Variants in DYM observed in about 807,000 individuals in gnomAD.
The protein encoded by DYM is dymeclin.
A neutral mutation model predicts 93.1 loss-of-function variants in DYM; 78 were observed. The ratio of observed to expected loss-of-function variants is 0.84; its 90% CI spans 0.70 to 1.01. DYM has a LOEUF of 1.01. Ranked by LOEUF, DYM falls within the 50% of genes least tolerant of loss-of-function variation. The probability of loss-of-function intolerance (pLI) is 0.00; values close to 1 mark genes in which losing one functional copy is unlikely to be tolerated. For synonymous variants in DYM, 321 were observed against 319.7 expected, an observed-to-expected ratio of 1.00 and a Z score of -0.04; for missense variants, 789 against 845.0, an observed-to-expected ratio of 0.93 and a Z score of 0.82.
intron 15 of DYM, among the ~76,000 whole-genome samples, chr18:49,152,443 G>A (rs1016652805): frequency 6.6e-6 from 1 of 152,166 alleles, no homozygotes; most frequent in African/African-American, 2.4e-5. Flanking sequence ...TTATGTCAAA[G>A]TCAGGCCTGG....
At chr18:49,068,480 G>A (rs73439668) in intron 17 of DYM, among the ~76,000 whole-genome samples, 16,366 of 152,164 alleles carry the variant, frequency 0.11, 1,208 homozygotes, top group East Asian at 0.25. Flanking sequence ...CAATGGAGAA[G>A]GGGCACAGTT....
At chr18:49,370,293 A>C (rs76519075) in intron 5 of DYM, among the ~76,000 whole-genome samples, 3 of 146,224 alleles carry the variant, frequency 2.1e-5, no homozygotes, top group Non-Finnish European at 4.5e-5. Flanking sequence ...AAAAAAAAAA[A>C]AAAAAACAAA....
chr18:49,114,626 A>T, intron 16 of DYM: 1 of 963,662 alleles, frequency 1.0e-6, no homozygotes, highest in Non-Finnish European at 1.2e-6. Flanking sequence ...CTGATTAAAA[A>T]AAATTAATAT....
At chr18:49,430,152 TAG>T (rs1383413789) in intron 2 of DYM, 101 bp downstream of exon 2, 1 of 1,077,968 alleles carries the variant, frequency 9.3e-7, no homozygotes, top group African/African-American at 1.5e-5. Flanking sequence ...ACAGATAGAC[TAG>T]ATAGATAGAC....
chr18:49,299,985 G>C (rs1283222477), intron 8 of DYM, among the ~76,000 whole-genome samples: 1 of 149,454 alleles, frequency 6.7e-6, no homozygotes, highest in Non-Finnish European at 1.5e-5. Flanking sequence ...GGAGCTTGCA[G>C]TGAGCCGAGA....
At chr18:49,165,705 A>T (rs981702435) in intron 14 of DYM, among the ~76,000 whole-genome samples, 6 of 152,200 alleles carry the variant, frequency 3.9e-5, no homozygotes, top group African/African-American at 7.2e-5. Context: ...AAAAATAATT[A>T]CATGAAGTAA....
intron 17 of DYM, among the ~76,000 whole-genome samples, chr18:49,086,215 G>C (rs564096375): frequency 6.6e-6 from 1 of 152,334 alleles, no homozygotes; most frequent in East Asian, 1.9e-4. Context: ...TGGAGGCTTA[G>C]AAGTCCCAGG....
At chr18:49,214,490 G>C (rs2092937005) in intron 13 of DYM, among the ~76,000 whole-genome samples, 1 of 151,670 alleles carries the variant, frequency 6.6e-6, no homozygotes, top group Non-Finnish European at 1.5e-5. Flanking sequence ...CTGGTCCTTG[G>C]TGCAACAAAG....
At chr18:49,065,439 C>T (rs1223943021) in intron 17 of DYM, among the ~76,000 whole-genome samples, 2 of 152,078 alleles carry the variant, frequency 1.3e-5, no homozygotes, top group Non-Finnish European at 2.9e-5. Flanking sequence ...CTTGGCTCAC[C>T]GCAACCTCCG....
At chr18:49,299,081 C>T (rs2060739440) in intron 8 of DYM, among the ~76,000 whole-genome samples, 1 of 152,134 alleles carries the variant, frequency 6.6e-6, no homozygotes. Flanking sequence ...AAACTTCATT[C>T]CATATGTCCC....
In DYM at chr18:49,318,797, CTTTTTTTTT is replaced by C. The variant is rs932617888; in HGVS notation, c.763+13058_763+13066del. Among the ~76,000 whole-genome samples the C allele has an allele frequency of 4.2e-3, 486 of 114,376 alleles. 3 individuals are homozygous for C. Among genetic ancestry groups the C allele is most frequent in the African/African-American group, 0.016 (448 of 28,178 alleles). The allele number at this position is 114,376 out of a possible 152,430, so 75.0% of individuals were successfully genotyped here. ...TGAACAGGTAACATTATTTCTTTTT[CTTTTTTTTT>C]TTTTTTTTTTTTGAGACAGAGTCTC... On this transcript the variant is annotated intron_variant, in intron 8 of 17. Transcript: ENST00000675505.
chr18:49,224,556 G>A (rs962463122), intron 13 of DYM, among the ~76,000 whole-genome samples: 3 of 152,046 alleles, frequency 2.0e-5, no homozygotes, highest in Admixed American at 6.6e-5. Context: ...ATTAGGATTA[G>A]GTGAGGTCAT....
chr18:49,079,735 C>T (rs1275885665), intron 17 of DYM, among the ~76,000 whole-genome samples: 1 of 151,780 alleles, frequency 6.6e-6, no homozygotes, highest in Non-Finnish European at 1.5e-5. Flanking sequence ...GGTCACCGAT[C>T]AACAGGATCC....
chr18:49,456,436 C>T (rs2082992429), intron 1 of DYM, among the ~76,000 whole-genome samples: 1 of 152,166 alleles, frequency 6.6e-6, no homozygotes, highest in African/African-American at 2.4e-5. Context: ...TGTCAAGATT[C>T]AGTGACTGAC....
intron 13 of DYM, among the ~76,000 whole-genome samples, chr18:49,236,204 G>T (rs1402292533): frequency 7.2e-5 from 11 of 152,310 alleles, no homozygotes; most frequent in African/African-American, 2.6e-4. Flanking sequence ...AAATAGGCCA[G>T]GCACAGTGGC....
rs1404951418 is a variant in DYM at position 49,209,714 on chromosome 18, A to C, written c.1462T>G (p.Tyr488Asp). The C allele has an allele frequency of 7.9e-7, 1 of 1,269,700 alleles. No homozygotes were observed. Among genetic ancestry groups the C allele is most frequent in the Admixed American group, 2.4e-5 (1 of 40,854 alleles). The allele number at this position is 1,269,700 out of a possible 1,614,324, so 78.7% of individuals were successfully genotyped here. A position where few individuals can be genotyped will look rare whatever the true frequency, so the allele number is the denominator to read the frequency against. ...TATCTCCGCAAGTGGCGGCAGGTAT[A>C]ACTGAAAGACAAAGGTAAAAGGAGA... is the stretch of plus-strand genomic sequence containing the variant. ...HQYAAQRIIS[Y>D]TCRHLRRYVY... The change falls in exon 14 of 18, where the codon TAT becomes GAT. Residue 488 changes from tyrosine to aspartate, a missense_variant and splice_region_variant. Transcript: ENST00000675505.
chr18:49,256,185 C>T (rs1317234632), intron 13 of DYM, among the ~76,000 whole-genome samples: 2 of 151,840 alleles, frequency 1.3e-5, no homozygotes. Context: ...ATGTCCATGT[C>T]CTAATCCCCT....
rs61429427 is a variant in DYM, at chr18:49,258,781, GACACACACACAC to G, written c.1252-300_1252-289del. Among the ~76,000 whole-genome samples the G allele has an allele frequency of 1.6e-3, 175 of 112,412 alleles. 3 individuals carry two copies. Among genetic ancestry groups the G allele is most frequent in the African/African-American group, 5.2e-3 (150 of 28,936 alleles). The allele number at this position is 112,412 out of a possible 152,430, so 73.7% of individuals were successfully genotyped here. ...GTAGATTTGTAACCTAGGGATCATA[GACACACACACAC>G]ACACACACACACACACACACACACA... On this transcript the variant is annotated intron_variant, in intron 11 of 17. Coordinates refer to ENST00000675505, the MANE Select transcript of DYM (RefSeq NM_001353214.3).
intron 13 of DYM, among the ~76,000 whole-genome samples, chr18:49,231,733 C>T (rs1211691200): frequency 6.6e-6 from 1 of 152,156 alleles, no homozygotes; most frequent in African/African-American, 2.4e-5. Context: ...CTAGATCCAA[C>T]TCTAATGAAA....
Sources: allele counts gnomAD v4.1 joint callset (sites outside exome capture counted in the v4.1 genomes callset), GRCh38; gene constraint gnomAD v4.1.1; transcripts MANE v1.5; gene names NCBI Gene and HGNC (gene_info 2026-07-23, HGNC 2026-07-21).